The following DNAH14 variants were observed in gnomAD, a reference collection of about 807,000 sequenced individuals.
DNAH14 encodes axonemal beta dynein heavy chain 14.
In DNAH14, 478 loss-of-function variants were observed where a neutral mutation model predicts 520.9. That is an observed-to-expected ratio of 0.92 (90% CI 0.85 to 0.99). The LOEUF is 0.99. Ranked by LOEUF, DNAH14 falls within the 50% of genes least tolerant of loss-of-function variation. The probability of loss-of-function intolerance (pLI) is 0.00; values close to 1 mark genes in which losing one functional copy is unlikely to be tolerated. For synonymous variants in DNAH14, 1,581 were observed against 1,757.2 expected (o/e 0.90, Z 2.51); for missense variants, 4,831 against 5,234.5 (o/e 0.92, Z 2.38).
chr1:225,305,371 A>G (rs2150093584), intron 58 of DNAH14, among the ~76,000 whole-genome samples: 1 of 152,274 alleles, frequency 6.6e-6, no homozygotes, highest in East Asian at 1.9e-4. Flanking sequence ...AAGCAAGAGT[A>G]ACGAAGAGTG....
At chr1:225,095,360 G>C (rs2074860307) in intron 21 of DNAH14, among the ~76,000 whole-genome samples, 1 of 152,090 alleles carries the variant, frequency 6.6e-6, no homozygotes, top group Non-Finnish European at 1.5e-5. Flanking sequence ...ATCTTGGATG[G>C]AGATGGAGGT....
intron 79 of DNAH14, 80 bp downstream of exon 79, chr1:225,377,516 T>G (rs1332630743): frequency 5.0e-6 from 7 of 1,386,510 alleles, no homozygotes; most frequent in Non-Finnish European, 5.8e-6. Flanking sequence ...TCCCAGCACC[T>G]TGGGAGGCTG....
rs546907486 is a variant in DNAH14 at position 225,007,586 on chromosome 1, A to G, written c.1107+42A>G. On this transcript the variant is annotated intron_variant, in intron 10 of 85. Coordinates refer to ENST00000682510, the MANE Select transcript of DNAH14 (RefSeq NM_001367479.1). Reference sequence around the variant, plus strand: ...ATCATATTTATCAAAGTTGCAATTTACTAGCTGAAGCAATTGATCCAAATT... The same window carrying G: ...ATCATATTTATCAAAGTTGCAATTTGCTAGCTGAAGCAATTGATCCAAATT... 26 of 1,433,662 alleles carry G rather than the reference A, an allele frequency of 1.8e-5. No homozygotes were observed. In the African/African-American group the frequency reaches 3.0e-4, roughly 17 times the overall value. The allele number at this position is 1,433,662 out of a possible 1,614,324, so 88.8% of individuals were successfully genotyped here. A position where few individuals can be genotyped will look rare whatever the true frequency, so the allele number is the denominator to read the frequency against.
chr1:225,054,138 T>A (rs2068811492), intron 17 of DNAH14, among the ~76,000 whole-genome samples: 1 of 152,194 alleles, frequency 6.6e-6, no homozygotes, highest in Non-Finnish European at 1.5e-5. Context: ...TCTCTCCTTC[T>A]GTCTCCTACT....
chr1:225,374,145 C>CTATATATATATATGTATA (rs1272949431), intron 77 of DNAH14, among the ~76,000 whole-genome samples: 3 of 33,056 alleles, frequency 9.1e-5, no homozygotes, highest in African/African-American at 4.1e-4. Flanking sequence ...TTGTGTCTTA[C>CTATATATATATATGTATA]TATATATATA....
intron 9 of DNAH14, among the ~76,000 whole-genome samples, chr1:225,003,453 A>G (rs949571938): frequency 2.6e-5 from 4 of 152,060 alleles, no homozygotes; most frequent in African/African-American, 9.6e-5. Flanking sequence ...CACTCAATGT[A>G]TGGGGAAAAA....
intron 8 of DNAH14, among the ~76,000 whole-genome samples, chr1:224,975,274 T>C (rs994206818): frequency 1.3e-5 from 2 of 152,206 alleles, no homozygotes; most frequent in Admixed American, 6.5e-5. Flanking sequence ...TCTTTTTCTA[T>C]TGATTGGAAT....
chr1:225,272,940 T>C lies in DNAH14; in HGVS notation c.7840-15T>C. 1 of 1,506,176 alleles carries C rather than the reference T, an allele frequency of 6.6e-7. No individual in the cohort carries two copies. Among genetic ancestry groups the C allele is most frequent in the Non-Finnish European group, 8.8e-7 (1 of 1,132,364 alleles). 93.3% of individuals were successfully genotyped at this position (1,506,176 alleles called of 1,614,324 possible). ...AATTTTTTTTAAAAAAACGTTATTT[T>C]TAAATCCCTAACAGCTTCTCCTAGG... On this transcript the variant is annotated splice_polypyrimidine_tract_variant and intron_variant, in intron 51 of 85. Coordinates refer to ENST00000682510, the MANE Select transcript of DNAH14 (RefSeq NM_001367479.1).
At chr1:225,057,289 C>A (rs1572750389) in intron 17 of DNAH14, among the ~76,000 whole-genome samples, 1 of 152,260 alleles carries the variant, frequency 6.6e-6, no homozygotes. Context: ...ATTCTCCTTG[C>A]AGCAATTGTG....
chr1:225,307,299 G>A (rs182408546), intron 58 of DNAH14, among the ~76,000 whole-genome samples, 162 bp from the exon 59 acceptor site: 96 of 152,230 alleles, frequency 6.3e-4, no homozygotes, highest in African/African-American at 2.2e-3. Context: ...TGTTAATATA[G>A]TGGATTATAT....
At chr1:225,389,134 T>C (rs934168748) in intron 82 of DNAH14, among the ~76,000 whole-genome samples, 1 of 152,212 alleles carries the variant, frequency 6.6e-6, no homozygotes, top group African/African-American at 2.4e-5. Flanking sequence ...ATCTAGCAAG[T>C]GCCTCACAGG....
At chr1:224,930,362 G>A (rs1009002966) in intron 1 of DNAH14, among the ~76,000 whole-genome samples, 2 of 152,136 alleles carry the variant, frequency 1.3e-5, no homozygotes, top group African/African-American at 2.4e-5. Context: ...GACTACGCTA[G>A]GAAATATATG....
chr1:224,942,761 T>A (rs1011444914), intron 1 of DNAH14, among the ~76,000 whole-genome samples: 2 of 152,222 alleles, frequency 1.3e-5, no homozygotes, highest in African/African-American at 2.4e-5. Context: ...ATTGAGATAA[T>A]CATGTGGTTT....
intron 1 of DNAH14, among the ~76,000 whole-genome samples, chr1:224,932,942 G>T (rs1031588910): frequency 1.3e-5 from 2 of 151,648 alleles, no homozygotes; most frequent in Non-Finnish European, 2.9e-5. Context: ...TGAATTTGGG[G>T]GATTTTTTTC....
chr1:225,170,219 C>T (rs1274087727), intron 36 of DNAH14, among the ~76,000 whole-genome samples: 2 of 152,262 alleles, frequency 1.3e-5, no homozygotes, highest in East Asian at 3.9e-4. Flanking sequence ...AACTAACAAG[C>T]AAAATAACCA....
At chr1:225,054,248 C>T (rs1004944474) in intron 17 of DNAH14, among the ~76,000 whole-genome samples, 12 of 152,186 alleles carry the variant, frequency 7.9e-5, no homozygotes, top group Non-Finnish European at 1.3e-4. Flanking sequence ...TACCCACCTT[C>T]TCTACCACAG....
rs933719317 is a variant in DNAH14 at position 225,264,209 on chromosome 1, G to A, written c.7170G>A (p.Gln2390=). The A allele has an allele frequency of 8.1e-5, 125 of 1,549,640 alleles. No individual in the cohort carries two copies. The highest frequency in any genetic ancestry group is 1.0e-4 in the Non-Finnish European group (118 of 1,145,730). Residue 2390 remains glutamine (Q), a synonymous_variant, in exon 47 of 86, where the codon CAG becomes CAA. Coordinates refer to ENST00000682510, the MANE Select transcript of DNAH14 (RefSeq NM_001367479.1). Reference sequence around the variant, plus strand: ...TATTTCATTCCAGTAGCCTAAAACAGAATATCACCATCTTGATTCCTGAAA... The same window carrying A: ...TATTTCATTCCAGTAGCCTAAAACAAAATATCACCATCTTGATTCCTGAAA... ...SEIKKSSSLK[Q]NITILIPETH...
intron 38 of DNAH14, among the ~76,000 whole-genome samples, chr1:225,195,922 T>A (rs2086070968): frequency 1.3e-5 from 2 of 152,104 alleles, no homozygotes. Context: ...CACAAACTTT[T>A]GTAAAGTAAT....
chr1:225,222,659 A>G (rs866366980), intron 41 of DNAH14, among the ~76,000 whole-genome samples: 1 of 152,178 alleles, frequency 6.6e-6, no homozygotes, highest in Non-Finnish European at 1.5e-5. Flanking sequence ...GCATTTTTAC[A>G]GAACACTGGT....
Sources: gnomAD v4.1 joint callset for allele counts (sites outside exome capture counted in the v4.1 genomes callset) on GRCh38, gnomAD v4.1.1 for gene constraint, MANE v1.5 for transcripts, NCBI Gene and HGNC (gene_info 2026-07-23, HGNC 2026-07-21) for gene names.